The following MBOAT2 variants were observed in gnomAD, a reference collection of about 807,000 sequenced individuals.
MBOAT2 encodes the protein membrane-bound glycerophospholipid O-acyltransferase 2.
Under a neutral mutation model 63.4 loss-of-function variants are expected in MBOAT2, and 28 were observed. The ratio of observed to expected loss-of-function variants is 0.44; its 90% CI spans 0.33 to 0.61. The LOEUF (loss-of-function observed/expected upper bound fraction) is 0.61. Ranked by LOEUF, MBOAT2 falls within the 20% of genes least tolerant of loss-of-function variation. The pLI, the probability that MBOAT2 is intolerant of heterozygous loss-of-function variation, is 0.03. For missense variants in MBOAT2, 470 were observed against 605.8 expected, an observed-to-expected ratio of 0.78 and a Z score of 2.35; for synonymous variants, 211 against 215.6, an observed-to-expected ratio of 0.98 and a Z score of 0.19.
chr2:8,939,757 GAATA>G, intron 3 of MBOAT2, among the ~76,000 whole-genome samples: 1 of 152,174 alleles, frequency 6.6e-6, no homozygotes, highest in Non-Finnish European at 1.5e-5. Context: ...TACACACACA[GAATA>G]AACTCTGCAA....
chr2:8,869,523 GC>G (rs1222219827), intron 8 of MBOAT2, among the ~76,000 whole-genome samples: 7 of 151,942 alleles, frequency 4.6e-5, no homozygotes, highest in Non-Finnish European at 5.9e-5. Flanking sequence ...ATCCATCAAA[GC>G]CCAGCAAAAT....
At chr2:8,887,908 C>CAAGA in intron 5 of MBOAT2, 110 bp downstream of exon 5, 1 of 966,136 alleles carries the variant, frequency 1.0e-6, no homozygotes, top group East Asian at 2.4e-5. Flanking sequence ...CCCTATCTTA[C>CAAGA]CTCCCTCCAT....
At chr2:8,889,334 G>A (rs1663811200) in intron 4 of MBOAT2, among the ~76,000 whole-genome samples, 2 of 152,232 alleles carry the variant, frequency 1.3e-5, no homozygotes, top group South Asian at 4.1e-4. Flanking sequence ...TTGATTCACA[G>A]ACCTGGGCCC....
At chr2:8,930,629 A>G (rs1418638829) in intron 3 of MBOAT2, among the ~76,000 whole-genome samples, 1 of 146,856 alleles carries the variant, frequency 6.8e-6, no homozygotes, top group East Asian at 2.0e-4. Flanking sequence ...GGAATTTCTA[A>G]TTCTAGATCC....
intron 3 of MBOAT2, among the ~76,000 whole-genome samples, chr2:8,917,479 A>G (rs1341640072): frequency 3.9e-5 from 6 of 152,222 alleles, no homozygotes; most frequent in Admixed American, 1.3e-4. Flanking sequence ...ACAGTACAGG[A>G]AAAAAATGTT....
chr2:8,935,014 A>G (rs768419639), intron 3 of MBOAT2, among the ~76,000 whole-genome samples: 1 of 152,216 alleles, frequency 6.6e-6, no homozygotes, highest in Non-Finnish European at 1.5e-5. Flanking sequence ...CATGGACCCC[A>G]GGACAGTCTG....
chr2:8,882,473 G>A (rs62104411), intron 6 of MBOAT2, 38 bp downstream of exon 6: 22,859 of 1,602,138 alleles, frequency 0.014, 232 homozygotes, highest in Middle Eastern at 0.032. Flanking sequence ...AGGCAGGGGC[G>A]CAGGAAGCAT....
At chr2:8,948,310 G>A (rs546392200) in intron 2 of MBOAT2, among the ~76,000 whole-genome samples, 6 of 152,288 alleles carry the variant, frequency 3.9e-5, no homozygotes, top group African/African-American at 1.4e-4. Context: ...AAGATACTGT[G>A]AACACTGTTG....
chr2:8,966,793 T>A (rs189139102), intron 1 of MBOAT2, among the ~76,000 whole-genome samples: 10 of 152,204 alleles, frequency 6.6e-5, no homozygotes, highest in African/African-American at 2.2e-4. Context: ...TAGAAAAAAA[T>A]TCAGTATTTT....
chr2:8,961,602 G>A (rs1161598229), intron 1 of MBOAT2, among the ~76,000 whole-genome samples: 1 of 151,772 alleles, frequency 6.6e-6, no homozygotes, highest in Non-Finnish European at 1.5e-5. Flanking sequence ...AAAAAAAAAA[G>A]CTAGATATTT....
In MBOAT2 at chr2:8,927,579, C is replaced by T. The variant is rs116737595; in HGVS notation, c.299+15608G>A. On this transcript the variant is annotated intron_variant, in intron 3 of 12. Coordinates refer to ENST00000305997, the MANE Select transcript of MBOAT2 (RefSeq NM_138799.4). ...AGTACAATAGAGAGCTGTGTCCAAC[C>T]GAGGCTGGGAAAGTACCCAGTGGTG... Among the ~76,000 whole-genome samples the T allele has an allele frequency of 1.9e-3, 287 of 152,210 alleles. 2 individuals are homozygous for T. The highest frequency in any genetic ancestry group is 5.3e-3 in the African/African-American group (218 of 41,516).
rs766262429 is a variant in MBOAT2, at chr2:8,958,605, G to A, written c.113C>T (p.Ala38Val). The A allele has an allele frequency of 2.5e-6, 4 of 1,608,548 alleles. No homozygotes were observed. The highest frequency in any genetic ancestry group is 2.2e-5 in the South Asian group (2 of 89,544). Residue 38 changes from alanine (A) to valine (V), a missense_variant, in exon 2 of 13, where the codon GCA (alanine) becomes GTA (valine). Transcript: ENST00000305997. ...TAGATAAGTTCGAAACCAAATGGCT[G>A]CTAGCAAGGCAAAGAGTTGGCACAC... ...FVVCQLFALL[A>V]AIWFRTYLHS...
chr2:8,915,886 T>C (rs1217741817), intron 3 of MBOAT2, among the ~76,000 whole-genome samples: 1 of 152,214 alleles, frequency 6.6e-6, no homozygotes, highest in Non-Finnish European at 1.5e-5. Context: ...CCTGGTTCTC[T>C]CACTTCTAAA....
At chr2:8,954,325 G>A (rs1406004413) in intron 2 of MBOAT2, among the ~76,000 whole-genome samples, 1 of 152,142 alleles carries the variant, frequency 6.6e-6, no homozygotes, top group African/African-American at 2.4e-5. Context: ...ACTGGCAGAA[G>A]CTCTCTATTG....
chr2:8,887,002 C>T (rs1411564118), intron 5 of MBOAT2, among the ~76,000 whole-genome samples: 1 of 152,002 alleles, frequency 6.6e-6, no homozygotes, highest in Non-Finnish European at 1.5e-5. Flanking sequence ...AATTATAATC[C>T]AAGAAAAAAC....
intron 1 of MBOAT2, among the ~76,000 whole-genome samples, chr2:9,000,816 T>G (rs1672630000): frequency 6.6e-6 from 1 of 152,238 alleles, no homozygotes; most frequent in African/African-American, 2.4e-5. Context: ...TATATTTTCC[T>G]TTCTTCAATA....
intron 5 of MBOAT2, among the ~76,000 whole-genome samples, chr2:8,886,707 G>A (rs1663578201): frequency 6.6e-6 from 1 of 152,188 alleles, no homozygotes; most frequent in Non-Finnish European, 1.5e-5. Context: ...AATGGGGTTT[G>A]TTGTTCTTCT....
intron 3 of MBOAT2, among the ~76,000 whole-genome samples, chr2:8,931,570 G>A (rs1327433042): frequency 6.6e-6 from 1 of 152,124 alleles, no homozygotes. Context: ...CTTTTGCTGT[G>A]CAGAAGTTCT....
At chr2:8,889,818 TA>T (rs927231553) in intron 4 of MBOAT2, among the ~76,000 whole-genome samples, 1 of 152,168 alleles carries the variant, frequency 6.6e-6, no homozygotes, top group South Asian at 2.1e-4. Flanking sequence ...GACAAGATGT[TA>T]AAAAAATGCA....
Sources: allele counts gnomAD v4.1 joint callset (sites outside exome capture counted in the v4.1 genomes callset), GRCh38; gene constraint gnomAD v4.1.1; transcripts MANE v1.5; gene names NCBI Gene and HGNC (gene_info 2026-07-23, HGNC 2026-07-21).